Variants in KCNH8 observed in about 807,000 individuals in gnomAD.
The protein encoded by KCNH8 is voltage-gated delayed rectifier potassium channel KCNH8.
Under a neutral mutation model 103.6 loss-of-function variants are expected in KCNH8, and 70 were observed. The ratio of observed to expected loss-of-function variants is 0.68; its 90% CI spans 0.56 to 0.82. The LOEUF is 0.82. Ranked by LOEUF, KCNH8 falls within the 40% of genes least tolerant of loss-of-function variation. KCNH8 has a pLI of 0.00. For synonymous variants in KCNH8, 498 were observed against 489.4 expected (o/e 1.02, Z -0.23); for missense variants, 1,217 against 1,329.9 (o/e 0.92, Z 1.32).
chr3:19,457,051 A>G lies in KCNH8; in HGVS notation c.2040+69A>G, dbSNP rs980390285. The G allele has an allele frequency of 7.5e-6, 8 of 1,064,256 alleles. No individual in the cohort carries two copies. The African/African-American group carries it at 9.6e-5, about 13-fold the overall frequency. The allele number at this position is 1,064,256 out of a possible 1,614,324, so 65.9% of individuals were successfully genotyped here. ...GCCTGGAGATCATTTGTAACAGTAA[A>G]GGCAGATGTCATGACCTCACCTTAA... is the stretch of plus-strand genomic sequence containing the variant. On this transcript the variant is annotated intron_variant, in intron 11 of 15. Coordinates refer to ENST00000328405, the MANE Select transcript of KCNH8 (RefSeq NM_144633.3).
intron 11 of KCNH8, among the ~76,000 whole-genome samples, chr3:19,477,325 A>G (rs2067997531): frequency 6.6e-6 from 1 of 152,148 alleles, no homozygotes; most frequent in Non-Finnish European, 1.5e-5. Flanking sequence ...TAATCAATAT[A>G]TCAATAAAGT....
chr3:19,258,176 G>A (rs2064371105), intron 2 of KCNH8, among the ~76,000 whole-genome samples: 1 of 152,032 alleles, frequency 6.6e-6, no homozygotes, highest in African/African-American at 2.4e-5. Context: ...ATCTTTTGGG[G>A]AAGATAAAAT....
At chr3:19,246,491 G>T (rs1460612974) in intron 1 of KCNH8, among the ~76,000 whole-genome samples, 2 of 151,662 alleles carry the variant, frequency 1.3e-5, no homozygotes, top group African/African-American at 2.4e-5. Flanking sequence ...TGGCCAGGAT[G>T]GTCTCGATCT....
At chr3:19,444,528 T>C (rs545619116) in intron 8 of KCNH8, among the ~76,000 whole-genome samples, 20 of 152,064 alleles carry the variant, frequency 1.3e-4, no homozygotes, top group Admixed American at 3.3e-4. Flanking sequence ...TTCTTTTTTA[T>C]CAAAAGACCT....
intron 2 of KCNH8, among the ~76,000 whole-genome samples, chr3:19,262,293 A>G (rs922797726): frequency 6.6e-6 from 1 of 151,990 alleles, no homozygotes; most frequent in Admixed American, 6.6e-5. Context: ...TCAGTGTCGT[A>G]TAGCTTTCAG....
chr3:19,214,823 C>G (rs1371076660), intron 1 of KCNH8, among the ~76,000 whole-genome samples: 1 of 152,192 alleles, frequency 6.6e-6, no homozygotes, highest in Non-Finnish European at 1.5e-5. Context: ...GCTCTCTAAC[C>G]AGCATTGTCT....
chr3:19,169,710 T>C (rs1170842118), intron 1 of KCNH8, among the ~76,000 whole-genome samples: 1 of 152,156 alleles, frequency 6.6e-6, no homozygotes, highest in Non-Finnish European at 1.5e-5. Context: ...TCAACAGAAA[T>C]GGAAACTGAA....
chr3:19,249,457 A>G (rs977027336), intron 1 of KCNH8, among the ~76,000 whole-genome samples: 1 of 152,118 alleles, frequency 6.6e-6, no homozygotes, highest in Non-Finnish European at 1.5e-5. Context: ...ACGTGCCTTT[A>G]TTTTTTCCTT....
chr3:19,273,130 G>A (rs2064613701), intron 2 of KCNH8, among the ~76,000 whole-genome samples: 3 of 152,178 alleles, frequency 2.0e-5, no homozygotes, highest in Admixed American at 6.5e-5. Flanking sequence ...CAGACGTTAT[G>A]TTTATTGGAA....
At chr3:19,504,844 T>G (rs2068659575) in intron 11 of KCNH8, among the ~76,000 whole-genome samples, 1 of 151,966 alleles carries the variant, frequency 6.6e-6, no homozygotes, top group Admixed American at 6.6e-5. Context: ...CAAATGAATA[T>G]ACATTGTTCT....
At chr3:19,487,765 T>C (rs2068240490) in intron 11 of KCNH8, among the ~76,000 whole-genome samples, 1 of 152,174 alleles carries the variant, frequency 6.6e-6, no homozygotes, top group African/African-American at 2.4e-5. Context: ...AAGAGCCCTG[T>C]CTTGTAAAGG....
At chr3:19,533,150 G>C (rs2069194495) in intron 15 of KCNH8, among the ~76,000 whole-genome samples, 1 of 149,714 alleles carries the variant, frequency 6.7e-6, no homozygotes, top group Non-Finnish European at 1.5e-5. Flanking sequence ...CTTGCAGTGA[G>C]CTGAGATCGT....
intron 7 of KCNH8, among the ~76,000 whole-genome samples, chr3:19,412,162 C>G (rs867815212): frequency 6.6e-6 from 1 of 151,896 alleles, no homozygotes; most frequent in African/African-American, 2.4e-5. Context: ...GCTACCATAG[C>G]CAAAACATCA....
intron 15 of KCNH8, among the ~76,000 whole-genome samples, chr3:19,524,312 C>G (rs971221280): frequency 1.3e-5 from 2 of 151,872 alleles, no homozygotes; most frequent in Non-Finnish European, 2.9e-5. Flanking sequence ...TAAACAAAGA[C>G]TGTACATTCA....
At chr3:19,313,712 A>C (rs12714976) in intron 3 of KCNH8, among the ~76,000 whole-genome samples, 45,705 of 151,460 alleles carry the variant, frequency 0.3, 7,365 homozygotes, top group African/African-American at 0.41. Flanking sequence ...AAAAAAAAAA[A>C]AACAACTCAA....
At chr3:19,522,729 C>T (rs2068993363) in intron 15 of KCNH8, among the ~76,000 whole-genome samples, 1 of 151,818 alleles carries the variant, frequency 6.6e-6, no homozygotes, top group Non-Finnish European at 1.5e-5. Flanking sequence ...AGTCATTGGC[C>T]TGTTTCAATG....
intron 3 of KCNH8, among the ~76,000 whole-genome samples, chr3:19,339,211 A>G (rs957083492): frequency 1.3e-5 from 2 of 152,100 alleles, no homozygotes; most frequent in African/African-American, 4.8e-5. Flanking sequence ...AGATGATAAA[A>G]TTGCAATTAT....
intron 15 of KCNH8, among the ~76,000 whole-genome samples, chr3:19,529,111 G>A (rs142393067): frequency 1.4e-4 from 21 of 152,220 alleles, no homozygotes; most frequent in Admixed American, 5.9e-4. Context: ...GTGTGCAAGG[G>A]AGAAAATGCA....
intron 11 of KCNH8, among the ~76,000 whole-genome samples, chr3:19,493,640 T>A (rs1297620265): frequency 6.6e-6 from 1 of 152,106 alleles, no homozygotes; most frequent in Non-Finnish European, 1.5e-5. Context: ...AGTGAGAAAA[T>A]TGGCAAATAC....
Sources: gnomAD v4.1 joint callset for allele counts (sites outside exome capture counted in the v4.1 genomes callset) on GRCh38, gnomAD v4.1.1 for gene constraint, MANE v1.5 for transcripts, NCBI Gene and HGNC (gene_info 2026-07-23, HGNC 2026-07-21) for gene names.